The following CACNA2D3 variants were observed in gnomAD, a reference collection of about 807,000 sequenced individuals.
CACNA2D3 encodes the protein voltage-dependent calcium channel subunit alpha-2/delta-3.
CACNA2D3 carries 60 observed loss-of-function variants against 160.6 expected under a neutral mutation model. The observed-to-expected ratio is 0.37, with a 90% CI of 0.30 to 0.46. The LOEUF is 0.46. CACNA2D3 is among the 20% of genes least tolerant of loss of function. The pLI is 1.00. For synonymous variants in CACNA2D3, 558 were observed against 492.9 expected, an observed-to-expected ratio of 1.13 and a Z score of -1.75; for missense variants, 1,205 against 1,365.0, an observed-to-expected ratio of 0.88 and a Z score of 1.85.
At chr3:54,190,793 A>G (rs4076708) in intron 2 of CACNA2D3, among the ~76,000 whole-genome samples, 26,072 of 152,200 alleles carry the variant, frequency 0.17, 2,339 homozygotes, top group East Asian at 0.26. Context: ...GAGATCCACT[A>G]GACAGAACAC....
intron 9 of CACNA2D3, among the ~76,000 whole-genome samples, chr3:54,622,925 G>A (rs759023543): frequency 4.6e-5 from 7 of 152,174 alleles, no homozygotes; most frequent in African/African-American, 7.2e-5. Context: ...TAGCACAGGC[G>A]CGGTAAACCG....
chr3:54,352,399 C>G (rs1698580520), intron 3 of CACNA2D3, among the ~76,000 whole-genome samples: 2 of 152,042 alleles, frequency 1.3e-5, no homozygotes, highest in South Asian at 4.2e-4. Flanking sequence ...GTATTATTAC[C>G]CCTACCAGAT....
intron 2 of CACNA2D3, among the ~76,000 whole-genome samples, chr3:54,303,824 T>TG (rs1553788123): frequency 4.2e-4 from 55 of 131,564 alleles, no homozygotes; most frequent in East Asian, 9.9e-4. Context: ...TTCTGTTTTT[T>TG]TTTTTTTTTT....
chr3:54,942,935 A>G (rs111394724), intron 27 of CACNA2D3, among the ~76,000 whole-genome samples: 3,408 of 152,144 alleles, frequency 0.022, 125 homozygotes, highest in African/African-American at 0.075. Context: ...GAGGCAGGAG[A>G]ATTGCTTGAA....
chr3:54,803,442 C>G (rs941196138), intron 13 of CACNA2D3, among the ~76,000 whole-genome samples: 1 of 152,174 alleles, frequency 6.6e-6, no homozygotes, highest in South Asian at 2.1e-4. Context: ...ATGTGATCAA[C>G]TGGAAGAAAG....
intron 18 of CACNA2D3, among the ~76,000 whole-genome samples, chr3:54,878,281 T>G (rs1002904485): frequency 6.6e-6 from 1 of 152,204 alleles, no homozygotes; most frequent in Non-Finnish European, 1.5e-5. Flanking sequence ...TTAACTGGCC[T>G]TCTCTGTCGT....
intron 27 of CACNA2D3, 92 bp downstream of exon 27, chr3:54,899,960 C>CA: frequency 6.7e-6 from 6 of 889,950 alleles, no homozygotes; most frequent in Non-Finnish European, 1.1e-5. Context: ...GCTTATCCTC[C>CA]AAAAAGGTTT....
At chr3:54,993,272 G>A (rs547280558) in intron 31 of CACNA2D3, among the ~76,000 whole-genome samples, 1 of 152,348 alleles carries the variant, frequency 6.6e-6, no homozygotes, top group African/African-American at 2.4e-5. Flanking sequence ...AACACTCTGG[G>A]TTAATCTCAG....
chr3:54,160,876 AAAGGAGT>A (rs1362270971), intron 2 of CACNA2D3, among the ~76,000 whole-genome samples: 1 of 152,164 alleles, frequency 6.6e-6, no homozygotes, highest in African/African-American at 2.4e-5. Flanking sequence ...TTTTTATGTC[AAAGGAGT>A]AAGAAATTAA....
intron 6 of CACNA2D3, among the ~76,000 whole-genome samples, chr3:54,563,157 G>C (rs1438045511): frequency 2.6e-5 from 4 of 152,142 alleles, no homozygotes; most frequent in African/African-American, 7.2e-5. Context: ...GACCTGCCCT[G>C]TTCTCAATAG....
At chr3:54,471,333 TA>T (rs1186009403) in intron 4 of CACNA2D3, among the ~76,000 whole-genome samples, 4 of 152,128 alleles carry the variant, frequency 2.6e-5, no homozygotes, top group Non-Finnish European at 5.9e-5. Context: ...GGCAGAAATA[TA>T]TAAGTTCTTT....
At chr3:54,835,367 A>G (rs566018421) in intron 14 of CACNA2D3, among the ~76,000 whole-genome samples, 2 of 152,268 alleles carry the variant, frequency 1.3e-5, no homozygotes, top group African/African-American at 4.8e-5. Flanking sequence ...ATAATTATTC[A>G]CATTCAGAGT....
chr3:54,792,438 G>A (rs1702776540), intron 13 of CACNA2D3, among the ~76,000 whole-genome samples: 1 of 152,172 alleles, frequency 6.6e-6, no homozygotes, highest in Non-Finnish European at 1.5e-5. Flanking sequence ...CCAGACTTGT[G>A]TGATTAAGGA....
chr3:54,962,976 A>G (rs2107052286), intron 27 of CACNA2D3, among the ~76,000 whole-genome samples: 1 of 152,302 alleles, frequency 6.6e-6, no homozygotes, highest in Admixed American at 6.5e-5. Flanking sequence ...TTCTAATTTT[A>G]TATTTTGTGA....
At chr3:55,009,515 G>A in intron 34 of CACNA2D3, 72 bp downstream of exon 34, 1 of 1,350,990 alleles carries the variant, frequency 7.4e-7, no homozygotes, top group South Asian at 1.2e-5. Flanking sequence ...CTTTTCATCA[G>A]GGATGTGCTG....
At chr3:54,431,432 C>T (rs1699989279) in intron 4 of CACNA2D3, among the ~76,000 whole-genome samples, 1 of 152,058 alleles carries the variant, frequency 6.6e-6, no homozygotes, top group African/African-American at 2.4e-5. Flanking sequence ...TTTTCATCCT[C>T]ATTGTCTTCA....
chr3:54,758,006 A>T (rs1279367156), intron 12 of CACNA2D3, among the ~76,000 whole-genome samples: 1 of 152,170 alleles, frequency 6.6e-6, no homozygotes, highest in East Asian at 1.9e-4. Context: ...AGAAAACTAG[A>T]GAGTGAGAAA....
intron 2 of CACNA2D3, among the ~76,000 whole-genome samples, chr3:54,235,810 G>A (rs528956171): frequency 1.3e-4 from 20 of 152,338 alleles, no homozygotes; most frequent in African/African-American, 3.8e-4. Flanking sequence ...TAGCTGCTCC[G>A]GCTTCCGGGA....
intron 11 of CACNA2D3, among the ~76,000 whole-genome samples, chr3:54,717,445 TC>T (rs1308546302): frequency 6.6e-6 from 1 of 152,220 alleles, no homozygotes; most frequent in Non-Finnish European, 1.5e-5. Context: ...TTTTAGTTTA[TC>T]TTTGCCAACG....
Sources: allele counts gnomAD v4.1 joint callset (sites outside exome capture counted in the v4.1 genomes callset), GRCh38; gene constraint gnomAD v4.1.1; transcripts MANE v1.5; gene names NCBI Gene and HGNC (gene_info 2026-07-23, HGNC 2026-07-21).